The following ITPRID1 variants were observed in gnomAD, a reference collection of about 807,000 sequenced individuals.
ITPRID1 encodes ITPR interacting domain containing 1.
In ITPRID1, 96 loss-of-function variants were observed where a neutral mutation model predicts 95.4. The observed-to-expected ratio is 1.01, with a 90% CI of 0.85 to 1.19. The LOEUF is 1.19. ITPRID1 is among the 50% of genes most tolerant of loss of function. ITPRID1 has a pLI of 0.00. For missense variants in ITPRID1, 1,339 were observed against 1,252.9 expected, an observed-to-expected ratio of 1.07 and a Z score of -1.04; for synonymous variants, 510 against 453.6, an observed-to-expected ratio of 1.12 and a Z score of -1.58.
chr7:31,569,709 G>A (rs368336404), intron 5 of ITPRID1, 49 bp from the exon 6 acceptor site: 706 of 1,511,092 alleles, frequency 4.7e-4, no homozygotes, highest in Admixed American at 6.7e-4. Context: ...AAAATCTTCC[G>A]CAAGATAAAA....
intron 5 of ITPRID1, among the ~76,000 whole-genome samples, chr7:31,557,282 T>A (rs1784479501): frequency 6.6e-6 from 1 of 152,110 alleles, no homozygotes; most frequent in African/African-American, 2.4e-5. Context: ...CTTTGTACAC[T>A]AAGGTAGCAG....
In ITPRID1 at chr7:31,558,436, G is replaced by A. The variant is rs549058536; in HGVS notation, c.256+3535G>A. Among the ~76,000 whole-genome samples, 132 of 152,194 alleles carry A rather than the reference G, an allele frequency of 8.7e-4. 5 individuals are homozygous for A. The South Asian group carries it at 0.027, about 31-fold the overall frequency. On this transcript the variant is annotated intron_variant, in intron 5 of 14. Transcript: ENST00000615280. ...ATCAGCCCTTTGGGACCACAACACA[G>A]TCCTCTGGAGTTCAATTCTTTTGAT...
chr7:31,602,477 A>G (rs925164756), intron 10 of ITPRID1, among the ~76,000 whole-genome samples: 5 of 152,104 alleles, frequency 3.3e-5, no homozygotes, highest in Non-Finnish European at 7.3e-5. Context: ...CTGGCAGCTA[A>G]CTCCATTGTT....
At chr7:31,597,352 T>C (rs907858699) in intron 10 of ITPRID1, among the ~76,000 whole-genome samples, 2 of 152,034 alleles carry the variant, frequency 1.3e-5, no homozygotes, top group African/African-American at 4.8e-5. Context: ...ACAAGATAAC[T>C]GTCTACATAC....
chr7:31,630,466 T>A (rs554005416), intron 10 of ITPRID1, among the ~76,000 whole-genome samples: 17 of 152,240 alleles, frequency 1.1e-4, no homozygotes, highest in African/African-American at 3.8e-4. Flanking sequence ...GATTAAAACT[T>A]GTGTCCCAAT....
At chr7:31,530,754 A>T (rs1308173231) in intron 1 of ITPRID1, among the ~76,000 whole-genome samples, 2 of 152,174 alleles carry the variant, frequency 1.3e-5, no homozygotes, top group African/African-American at 2.4e-5. Context: ...TTCAAACCTT[A>T]AAAAAAGGAA....
intron 1 of ITPRID1, chr7:31,517,625 A>G (rs1433390586): frequency 6.5e-6 from 1 of 152,884 alleles, no homozygotes; most frequent in Non-Finnish European, 1.5e-5. Context: ...GGCAGAGCCC[A>G]CGCCCACCCG....
At position 31,628,470 on chromosome 7, in the gene ITPRID1, T is replaced by C. The variant is rs1316634905; in HGVS notation, c.1229-13706T>C. Among the ~76,000 whole-genome samples, 3 of 151,602 alleles carry C rather than the reference T, an allele frequency of 2.0e-5. 1 individual carries two copies. Among genetic ancestry groups the C allele is most frequent in the South Asian group, 4.2e-4 (2 of 4,798 alleles). ...TTCCTTTTTTTTTTTTCTTTTTTTT[T>C]CTTTTTTTGAGGAGTCTCGCTCTGT... On this transcript the variant is annotated intron_variant, in intron 10 of 14. Coordinates refer to ENST00000615280, the MANE Select transcript of ITPRID1 (RefSeq NM_001257967.3).
At chr7:31,578,516 C>T in intron 9 of ITPRID1, 82 bp downstream of exon 9, 3 of 999,000 alleles carry the variant, frequency 3.0e-6, no homozygotes, top group Non-Finnish European at 4.4e-6. Context: ...CTCATTTCAC[C>T]ACTTCATCTT....
At chr7:31,588,735 A>G (rs1440336465) in intron 10 of ITPRID1, among the ~76,000 whole-genome samples, 1 of 152,028 alleles carries the variant, frequency 6.6e-6, no homozygotes, top group East Asian at 1.9e-4. Flanking sequence ...CAGAAAGGAG[A>G]GAACCAAGGA....
At chr7:31,584,813 A>AT (rs1466553659) in intron 10 of ITPRID1, among the ~76,000 whole-genome samples, 2 of 152,204 alleles carry the variant, frequency 1.3e-5, no homozygotes, top group Non-Finnish European at 2.9e-5. Flanking sequence ...GTATACATGC[A>AT]TTTTTTTCTC....
rs33912394 is a variant in ITPRID1, at chr7:31,562,044, TAAAAAAAAAAAAAAA to T, written c.256+7155_256+7169del. On this transcript the variant is annotated intron_variant, in intron 5 of 14. Transcript: ENST00000615280. ...AGATTCCATATGAAAGCTATGTATT[TAAAAAAAAAAAAAAA>T]AAAAAAAAAAAGCCTGGAGAGAGTA... 2.1e-4 allele frequency among the ~76,000 whole-genome samples: 11 copies of T among 52,548 alleles called. No homozygotes were observed. In the South Asian group the frequency reaches 0.011, roughly 55 times the overall value. 34.5% of individuals were successfully genotyped at this position (52,548 alleles called of 152,430 possible).
chr7:31,522,183 G>C lies in ITPRID1; in HGVS notation c.-98+8063G>C, dbSNP rs184647300. The stretch of plus-strand genomic sequence containing the variant: ...TATTTCTCCGATGCTGCTCCCTATA[G>C]ATCCAGCCAATGGGTCTGACTCTAC... On this transcript the variant is annotated intron_variant, in intron 1 of 14. Transcript: ENST00000615280. 1.6e-3 allele frequency among the ~76,000 whole-genome samples: 250 copies of C among 152,172 alleles called. 4 individuals carry two copies. The highest frequency in any genetic ancestry group is 5.9e-3 in the African/African-American group (245 of 41,506).
intron 10 of ITPRID1, among the ~76,000 whole-genome samples, chr7:31,629,016 C>T (rs925429705): frequency 6.6e-6 from 1 of 151,926 alleles, no homozygotes; most frequent in Non-Finnish European, 1.5e-5. Flanking sequence ...ATTAAAGTCT[C>T]CAAAAAAATT....
chr7:31,592,730 G>A (rs938736560), intron 10 of ITPRID1, among the ~76,000 whole-genome samples: 3 of 152,120 alleles, frequency 2.0e-5, no homozygotes, highest in Non-Finnish European at 2.9e-5. Context: ...CCCATTCACC[G>A]CTCACCTCCT....
intron 10 of ITPRID1, among the ~76,000 whole-genome samples, chr7:31,583,498 C>T (rs754625789): frequency 2.2e-4 from 33 of 152,108 alleles, no homozygotes; most frequent in Non-Finnish European, 3.7e-4. Flanking sequence ...CGCAGTGGTG[C>T]GCACCTGTAA....
intron 10 of ITPRID1, among the ~76,000 whole-genome samples, chr7:31,605,179 A>C (rs1475684344): frequency 6.6e-6 from 1 of 151,414 alleles, no homozygotes; most frequent in Non-Finnish European, 1.5e-5. Flanking sequence ...GGCCTTTTTG[A>C]ATCTGGAGAG....
intron 7 of ITPRID1, among the ~76,000 whole-genome samples, chr7:31,572,720 A>T (rs1785034704): frequency 6.6e-6 from 1 of 152,180 alleles, no homozygotes; most frequent in South Asian, 2.1e-4. Flanking sequence ...CAAAGTCAGT[A>T]TATCTAATTT....
intron 10 of ITPRID1, among the ~76,000 whole-genome samples, chr7:31,595,345 TACAC>T (rs58632355): frequency 3.1e-4 from 45 of 146,966 alleles, no homozygotes; most frequent in East Asian, 1.2e-3. Context: ...ATGCCCGGCC[TACAC>T]ACACACACAC....
Sources: allele counts gnomAD v4.1 joint callset (sites outside exome capture counted in the v4.1 genomes callset), GRCh38; gene constraint gnomAD v4.1.1; transcripts MANE v1.5; gene names NCBI Gene and HGNC (gene_info 2026-07-23, HGNC 2026-07-21).